Variants in OR9Q1 observed in about 807,000 individuals in gnomAD.
The protein encoded by OR9Q1 is olfactory receptor 9Q1.
For missense variants in OR9Q1, 374 were observed against 378.8 expected, an observed-to-expected ratio of 0.99 and a Z score of 0.11; for synonymous variants, 153 against 148.6, an observed-to-expected ratio of 1.03 and a Z score of -0.22.
intron 2 of OR9Q1, among the ~76,000 whole-genome samples, chr11:58,139,932 C>CACAATGG (rs1554970601): frequency 1.6e-3 from 234 of 148,418 alleles, no homozygotes; most frequent in South Asian, 4.1e-3. Flanking sequence ...TCTCCACATC[C>CACAATGG]TCTCCAGCAC....
intron 1 of OR9Q1, chr11:58,031,026 C>T: frequency 6.2e-7 from 1 of 1,614,132 alleles, no homozygotes; most frequent in Non-Finnish European, 8.5e-7. Context: ...ATCCATGAAG[C>T]ACACCTCCTC....
chr11:58,080,449 C>G (rs1292817080), intron 2 of OR9Q1, among the ~76,000 whole-genome samples: 1 of 152,056 alleles, frequency 6.6e-6, no homozygotes, highest in Non-Finnish European at 1.5e-5. Context: ...CTGTAATGAA[C>G]TTAGGAGTGT....
chr11:58,042,541 G>A (rs3133867), intron 1 of OR9Q1, among the ~76,000 whole-genome samples: 1 of 150,338 alleles, frequency 6.7e-6, no homozygotes, highest in Non-Finnish European at 1.5e-5. Flanking sequence ...CTGTTTTGGT[G>A]ACTGTAGCCT....
chr11:58,134,337 G>A (rs563816096), intron 2 of OR9Q1, among the ~76,000 whole-genome samples: 4 of 152,174 alleles, frequency 2.6e-5, no homozygotes, highest in Non-Finnish European at 5.9e-5. Context: ...CAGAGACAGC[G>A]CCTCACCAGG....
chr11:58,112,118 T>C (rs1181247105), intron 2 of OR9Q1, among the ~76,000 whole-genome samples: 1 of 151,696 alleles, frequency 6.6e-6, no homozygotes, highest in Non-Finnish European at 1.5e-5. Context: ...TGAAACTCTG[T>C]CTCTACTAAA....
chr11:58,091,122 GT>G (rs1390761215), intron 2 of OR9Q1, among the ~76,000 whole-genome samples: 2 of 151,680 alleles, frequency 1.3e-5, no homozygotes, highest in African/African-American at 2.4e-5. Flanking sequence ...TTTTTGAAGG[GT>G]TTTTTGTTTC....
intron 1 of OR9Q1, among the ~76,000 whole-genome samples, chr11:58,053,504 C>T (rs11823591): frequency 4.5e-5 from 6 of 134,554 alleles, no homozygotes; most frequent in Admixed American, 1.6e-4. Flanking sequence ...TGCTAAATGA[C>T]GAGTTAATGG....
At chr11:58,119,346 A>G (rs1322217366) in intron 2 of OR9Q1, 1 of 1,613,710 alleles carries the variant, frequency 6.2e-7, no homozygotes, top group East Asian at 2.2e-5. Flanking sequence ...CTAGGTAGAA[A>G]CTCAGAAACA....
intron 1 of OR9Q1, among the ~76,000 whole-genome samples, chr11:58,025,357 A>G (rs1184403949): frequency 1.3e-5 from 2 of 152,124 alleles, no homozygotes. Context: ...GCACGCCACC[A>G]TGACCAGCTA....
intron 2 of OR9Q1, among the ~76,000 whole-genome samples, chr11:58,131,939 GT>G (rs1854145420): frequency 6.6e-6 from 1 of 152,122 alleles, no homozygotes; most frequent in Non-Finnish European, 1.5e-5. Flanking sequence ...AATACCTAGA[GT>G]AGAAAATTCT....
intron 2 of OR9Q1, among the ~76,000 whole-genome samples, chr11:58,073,984 A>G (rs1853514794): frequency 6.6e-6 from 1 of 152,102 alleles, no homozygotes; most frequent in Non-Finnish European, 1.5e-5. Flanking sequence ...ACATGAACTC[A>G]TTCTTTTTTA....
chr11:58,044,247 C>A (rs541703938), intron 1 of OR9Q1: 1 of 152,216 alleles, frequency 6.6e-6, no homozygotes, highest in Non-Finnish European at 1.5e-5. Flanking sequence ...GTGGACACAG[C>A]TTTCATCTGA....
chr11:58,115,739 G>T (rs1206281954), intron 2 of OR9Q1, among the ~76,000 whole-genome samples: 3 of 152,202 alleles, frequency 2.0e-5, no homozygotes, highest in Admixed American at 1.3e-4. Flanking sequence ...ATATCTGTTT[G>T]TATTTTTAAA....
intron 2 of OR9Q1, among the ~76,000 whole-genome samples, chr11:58,167,915 A>G (rs1854520077): frequency 6.6e-6 from 1 of 152,190 alleles, no homozygotes; most frequent in South Asian, 2.1e-4. Flanking sequence ...AAACCAGCAA[A>G]TATTCAAGGG....
chr11:58,098,852 T>G (rs1301405744), intron 2 of OR9Q1, among the ~76,000 whole-genome samples: 6 of 152,200 alleles, frequency 3.9e-5, no homozygotes, highest in Non-Finnish European at 7.3e-5. Context: ...CATTTAGAAT[T>G]CTAAACACTA....
chr11:58,056,022 G>A (rs914834573), intron 2 of OR9Q1, 75 bp downstream of exon 2: 14 of 152,138 alleles, frequency 9.2e-5, no homozygotes, highest in African/African-American at 3.4e-4. Context: ...AATGGACTAA[G>A]ACAACCTTCT....
intron 2 of OR9Q1, among the ~76,000 whole-genome samples, chr11:58,127,377 A>G (rs577925089): frequency 6.6e-6 from 1 of 152,296 alleles, no homozygotes; most frequent in South Asian, 2.1e-4. Context: ...AGAAACCTGT[A>G]AGGGAGTGAA....
chr11:58,053,783 C>A (rs1853299585), intron 1 of OR9Q1, among the ~76,000 whole-genome samples: 1 of 151,616 alleles, frequency 6.6e-6, no homozygotes, highest in Non-Finnish European at 1.5e-5. Flanking sequence ...ACTATCAAAA[C>A]CCTGTCAACA....
intron 2 of OR9Q1, among the ~76,000 whole-genome samples, chr11:58,150,818 A>C (rs1171422193): frequency 1.3e-5 from 2 of 152,232 alleles, no homozygotes; most frequent in Non-Finnish European, 2.9e-5. Context: ...CTACTCACAG[A>C]AAGCAAGTTA....
Sources: allele counts gnomAD v4.1 joint callset (sites outside exome capture counted in the v4.1 genomes callset), GRCh38; gene constraint gnomAD v4.1.1; transcripts MANE v1.5; gene names NCBI Gene and HGNC (gene_info 2026-07-23, HGNC 2026-07-21).